Variants in DDAH1 observed in about 807,000 individuals in gnomAD.
DDAH1 encodes dimethylarginine dimethylaminohydrolase 1.
DDAH1 carries 19 observed loss-of-function variants against 28.8 expected under a neutral mutation model. That is an observed-to-expected ratio of 0.66 (90% CI 0.46 to 0.97). The LOEUF (loss-of-function observed/expected upper bound fraction) is 0.97. Among genes scored for constraint, DDAH1 ranks in the 50% least tolerant of loss-of-function variants. DDAH1 has a pLI of 0.00. For synonymous variants in DDAH1, 153 were observed against 154.4 expected (o/e 0.99, Z 0.07); for missense variants, 326 against 375.9 (o/e 0.87, Z 1.10).
chr1:85,472,871 C>T (rs1655666488), intron 2 of DDAH1, among the ~76,000 whole-genome samples: 1 of 152,142 alleles, frequency 6.6e-6, no homozygotes, highest in Admixed American at 6.6e-5. Flanking sequence ...TCCCACCTCC[C>T]CTCCTGTCTC....
chr1:85,482,299 A>G (rs2100718015), intron 2 of DDAH1: 1 of 152,348 alleles, frequency 6.6e-6, no homozygotes, highest in Admixed American at 6.5e-5. Flanking sequence ...TTTCAAATCA[A>G]TAGTATTTTA....
At chr1:85,559,956 C>A (rs975927291) in intron 1 of DDAH1, among the ~76,000 whole-genome samples, 3 of 151,722 alleles carry the variant, frequency 2.0e-5, no homozygotes, top group African/African-American at 7.3e-5. Context: ...AAAGAATAAA[C>A]CCACAGATCC....
chr1:85,576,092 G>GAAA, intron 1 of DDAH1, among the ~76,000 whole-genome samples: 1 of 147,836 alleles, frequency 6.8e-6, no homozygotes, highest in Non-Finnish European at 1.5e-5. Flanking sequence ...TAAAAAAAAA[G>GAAA]AAAAAAAAAA....
rs75323092 is a variant in DDAH1, at chr1:85,559,056, T to C, written c.-123+18928A>G. 1.7e-4 allele frequency among the ~76,000 whole-genome samples: 26 copies of C among 152,294 alleles called. No individual in the cohort carries two copies. In the East Asian group the frequency reaches 3.9e-3, roughly 23 times the overall value. On this transcript the variant is annotated intron_variant, in intron 1 of 6. Coordinates refer to the DDAH1 transcript ENST00000426972. Reference sequence around the variant, plus strand: ...CTGGAAAGCAGTTTGACATTATATATCATTATTAAAAGAATTCATACCCCT... The same window carrying C: ...CTGGAAAGCAGTTTGACATTATATACCATTATTAAAAGAATTCATACCCCT...
intron 1 of DDAH1, among the ~76,000 whole-genome samples, chr1:85,440,547 A>G (rs1333626346): frequency 6.6e-6 from 1 of 152,206 alleles, no homozygotes; most frequent in Non-Finnish European, 1.5e-5. Flanking sequence ...CCTATACAGG[A>G]CTACTCTCAA....
intron 1 of DDAH1, among the ~76,000 whole-genome samples, chr1:85,552,399 T>A (rs1658820923): frequency 6.6e-6 from 1 of 152,230 alleles, no homozygotes; most frequent in South Asian, 2.1e-4. Flanking sequence ...TAGCTTTTCC[T>A]CGTACAATAT....
intron 1 of DDAH1, among the ~76,000 whole-genome samples, chr1:85,463,262 C>T (rs1655205282): frequency 6.6e-6 from 1 of 152,136 alleles, no homozygotes. Flanking sequence ...AGCTTGGAAG[C>T]TTTTATTATA....
upstream of DDAH1, among the ~76,000 whole-genome samples, chr1:85,466,454 G>A (rs1045795037): frequency 6.6e-6 from 1 of 152,156 alleles, no homozygotes; most frequent in Non-Finnish European, 1.5e-5. Context: ...TCACCATGTT[G>A]GCTAGGCTGG....
intron 1 of DDAH1, among the ~76,000 whole-genome samples, chr1:85,501,479 A>T (rs1053752141): frequency 6.6e-6 from 1 of 152,234 alleles, no homozygotes; most frequent in Non-Finnish European, 1.5e-5. Flanking sequence ...TGAGAAGCTT[A>T]GCATTTGTCC....
At chr1:85,444,263 T>C (rs1261597372) in intron 1 of DDAH1, among the ~76,000 whole-genome samples, 1 of 152,210 alleles carries the variant, frequency 6.6e-6, no homozygotes, top group South Asian at 2.1e-4. Flanking sequence ...TCTGCATCTA[T>C]TGAGATAATC....
chr1:85,519,862 C>T (rs1413587221), intron 1 of DDAH1, among the ~76,000 whole-genome samples: 3 of 152,074 alleles, frequency 2.0e-5, no homozygotes, highest in African/African-American at 7.2e-5. Context: ...ATAAATGCAT[C>T]AATTTCAGGC....
chr1:85,501,579 C>T (rs1656820753), intron 1 of DDAH1, among the ~76,000 whole-genome samples: 1 of 152,172 alleles, frequency 6.6e-6, no homozygotes, highest in Non-Finnish European at 1.5e-5. Flanking sequence ...ATTCCAACCA[C>T]CTCAACCACC....
intron 1 of DDAH1, among the ~76,000 whole-genome samples, chr1:85,506,135 G>T (rs939347555): frequency 6.6e-6 from 1 of 152,204 alleles, no homozygotes; most frequent in African/African-American, 2.4e-5. Flanking sequence ...ATGAATGGCT[G>T]AGGTGCACTA....
chr1:85,355,491 A>G (rs1649445098), intron 2 of DDAH1, among the ~76,000 whole-genome samples: 1 of 152,218 alleles, frequency 6.6e-6, no homozygotes, highest in South Asian at 2.1e-4. Flanking sequence ...AGAATACATC[A>G]TGATCAAATT....
chr1:85,565,941 T>A (rs2100556937), intron 1 of DDAH1, among the ~76,000 whole-genome samples: 1 of 151,840 alleles, frequency 6.6e-6, no homozygotes, highest in Admixed American at 6.6e-5. Flanking sequence ...ATTAGCTGGG[T>A]GTGGTGGCAC....
At chr1:85,435,774 T>G (rs575440174) in intron 1 of DDAH1, among the ~76,000 whole-genome samples, 1 of 152,270 alleles carries the variant, frequency 6.6e-6, no homozygotes, top group Admixed American at 6.5e-5. Context: ...GCTGGACCAC[T>G]TATATCTTTT....
intron 4 of DDAH1, among the ~76,000 whole-genome samples, chr1:85,329,117 C>T (rs559053419): frequency 4.8e-4 from 73 of 152,302 alleles, no homozygotes; most frequent in African/African-American, 1.7e-3. Flanking sequence ...CATGCATGTC[C>T]GGAGGTGACT....
chr1:85,519,805 C>T (rs1657609748), intron 1 of DDAH1, among the ~76,000 whole-genome samples: 1 of 151,856 alleles, frequency 6.6e-6, no homozygotes, highest in Non-Finnish European at 1.5e-5. Flanking sequence ...ATATATTGAT[C>T]ACAGAAAGAT....
chr1:85,338,052 A>G (rs1648248219), intron 4 of DDAH1, among the ~76,000 whole-genome samples: 1 of 152,224 alleles, frequency 6.6e-6, no homozygotes, highest in Non-Finnish European at 1.5e-5. Context: ...CCAAACAGAG[A>G]TCTGGGTTTC....
Sources: allele counts gnomAD v4.1 joint callset (sites outside exome capture counted in the v4.1 genomes callset), GRCh38; gene constraint gnomAD v4.1.1; transcripts MANE v1.5; gene names NCBI Gene and HGNC (gene_info 2026-07-23, HGNC 2026-07-21).